The following DDAH1 variants were observed in gnomAD, a reference collection of about 807,000 sequenced individuals.
The protein encoded by DDAH1 is N(G),N(G)-dimethylarginine dimethylaminohydrolase 1.
In DDAH1, 19 loss-of-function variants were observed where a neutral mutation model predicts 28.8. That is an observed-to-expected ratio of 0.66 (90% CI 0.46 to 0.97). DDAH1 has a LOEUF of 0.97. Ranked by LOEUF, DDAH1 falls within the 50% of genes least tolerant of loss-of-function variation. The probability of loss-of-function intolerance (pLI) is 0.00; values close to 1 mark genes in which losing one functional copy is unlikely to be tolerated. For synonymous variants in DDAH1, 153 were observed against 154.4 expected (o/e 0.99, Z 0.07); for missense variants, 326 against 375.9 (o/e 0.87, Z 1.10).
At chr1:85,475,290 C>CA (rs1348107745) in intron 2 of DDAH1, among the ~76,000 whole-genome samples, 1 of 152,088 alleles carries the variant, frequency 6.6e-6, no homozygotes, top group Admixed American at 6.5e-5. Flanking sequence ...AGCAAGTGCT[C>CA]AACAAACGTT....
intron 2 of DDAH1, among the ~76,000 whole-genome samples, chr1:85,355,632 G>A (rs941399588): frequency 1.3e-5 from 2 of 152,122 alleles, no homozygotes; most frequent in African/African-American, 4.8e-5. Context: ...TCTATCACCT[G>A]AAATTCATTT....
At chr1:85,566,349 G>A (rs1659299716) in intron 1 of DDAH1, among the ~76,000 whole-genome samples, 1 of 151,778 alleles carries the variant, frequency 6.6e-6, no homozygotes, top group Admixed American at 6.6e-5. Context: ...AAAATTATCT[G>A]GGTGTGGTGG....
chr1:85,500,286 A>T (rs1656778389), intron 1 of DDAH1, among the ~76,000 whole-genome samples: 53 of 102,272 alleles, frequency 5.2e-4, no homozygotes, highest in East Asian at 1.7e-3. Flanking sequence ...TTCCCTTCCC[A>T]TTTTCTCTTC....
Position 85,554,493 on chromosome 1 carries a change from C to T in DDAH1, c.-123+23491G>A, listed in dbSNP as rs568834847. Among the ~76,000 whole-genome samples the T allele has an allele frequency of 1.1e-4, 17 of 152,150 alleles. 1 individual carries two copies. Among genetic ancestry groups the T allele is most frequent in the Non-Finnish European group, 1.6e-4 (11 of 67,996 alleles). ...AAATGACTGGAAATTGCATAATTTT[C>T]AGGATTATAACTGTGTATATTTCCC... On this transcript the variant is annotated intron_variant, in intron 1 of 6. Coordinates refer to the DDAH1 transcript ENST00000426972.
chr1:85,352,928 C>T (rs961259261), intron 2 of DDAH1, among the ~76,000 whole-genome samples: 2 of 150,086 alleles, frequency 1.3e-5, no homozygotes, highest in South Asian at 2.1e-4. Context: ...TTGATAAATT[C>T]GGATTCTTTT....
At chr1:85,344,796 G>A (rs867940622) in intron 4 of DDAH1, among the ~76,000 whole-genome samples, 31 of 152,156 alleles carry the variant, frequency 2.0e-4, no homozygotes, top group South Asian at 4.1e-4. Context: ...TTCAGGGATG[G>A]ATCTAGAAAA....
At chr1:85,395,535 G>C (rs780456879) in intron 1 of DDAH1, among the ~76,000 whole-genome samples, 30 of 152,052 alleles carry the variant, frequency 2.0e-4, no homozygotes, top group Non-Finnish European at 3.8e-4. Context: ...AGCTGGGCGT[G>C]GTGGTGCATG....
At chr1:85,551,175 C>T (rs533123498) in intron 1 of DDAH1, among the ~76,000 whole-genome samples, 53 of 152,312 alleles carry the variant, frequency 3.5e-4, no homozygotes, top group African/African-American at 1.3e-3. Flanking sequence ...ATGTTACTGA[C>T]AATCCAGGGG....
At chr1:85,526,897 G>C (rs1396603408) in intron 1 of DDAH1, among the ~76,000 whole-genome samples, 2 of 150,362 alleles carry the variant, frequency 1.3e-5, no homozygotes, top group East Asian at 3.9e-4. Flanking sequence ...AGGGAGAAAA[G>C]AGAGGCAGAA....
intron 1 of DDAH1, among the ~76,000 whole-genome samples, chr1:85,370,692 G>C (rs934112948): frequency 5.9e-5 from 9 of 152,192 alleles, no homozygotes; most frequent in Non-Finnish European, 7.4e-5. Context: ...GTGGACGGAA[G>C]TTGGTGGATT....
chr1:85,464,815 C>T lies in DDAH1; in HGVS notation c.231G>A (p.Val77=). ...ADESLPDCVF[V]EDVAVVCEET... Reference sequence around the variant, plus strand: ...CCTCGCACACCACGGCCACGTCCTCCACGAAGACGCAGTCCGGAAGGCTCT... The same window carrying T: ...CCTCGCACACCACGGCCACGTCCTCTACGAAGACGCAGTCCGGAAGGCTCT... The change falls in exon 1 of 6, where the codon GTG becomes GTA. Residue 77 remains valine, a synonymous_variant. Transcript: ENST00000284031. This position sits in a 1 kb window ranked among gnomAD's most constrained non-coding sequence, Gnocchi z 4.4. The T allele has an allele frequency of 6.3e-7, 1 of 1,588,400 alleles. No individual in the cohort carries two copies. Among genetic ancestry groups the T allele is most frequent in the Non-Finnish European group, 8.5e-7 (1 of 1,174,554 alleles).
chr1:85,374,720 A>G (rs961862004), intron 1 of DDAH1, among the ~76,000 whole-genome samples: 1 of 152,054 alleles, frequency 6.6e-6, no homozygotes, highest in African/African-American at 2.4e-5. Context: ...TTTTGCTCAT[A>G]CTGTTATAAA....
intron 4 of DDAH1, among the ~76,000 whole-genome samples, chr1:85,348,987 T>C (rs1455335771): frequency 6.6e-6 from 1 of 152,152 alleles, no homozygotes; most frequent in African/African-American, 2.4e-5. Context: ...CATCTTATAA[T>C]CGATCTCAGA....
intron 1 of DDAH1, among the ~76,000 whole-genome samples, chr1:85,531,214 G>T (rs1332825290): frequency 1.3e-5 from 2 of 152,054 alleles, no homozygotes; most frequent in African/African-American, 4.8e-5. Flanking sequence ...TGATCCAAGT[G>T]CCTCTACCCC....
At chr1:85,368,262 G>T (rs527270303) in intron 1 of DDAH1, among the ~76,000 whole-genome samples, 88 of 152,284 alleles carry the variant, frequency 5.8e-4, no homozygotes, top group Middle Eastern at 6.8e-3. Context: ...CTGAACCAGT[G>T]CTCAGATCCA....
intron 2 of DDAH1, among the ~76,000 whole-genome samples, chr1:85,475,958 T>C (rs1193985375): frequency 6.6e-6 from 1 of 152,200 alleles, no homozygotes; most frequent in African/African-American, 2.4e-5. Context: ...TTCAAGTGAT[T>C]CTCCCACCTT....
chr1:85,363,756 CTTT>C, intron 1 of DDAH1, among the ~76,000 whole-genome samples: 1 of 152,286 alleles, frequency 6.6e-6, no homozygotes, highest in Non-Finnish European at 1.5e-5. Flanking sequence ...CTTTAAACTT[CTTT>C]GTTAATCAGC....
Position 85,489,700 on chromosome 1 carries a change from T to G in DDAH1, c.-7+6466A>C, listed in dbSNP as rs150148075. 1.7e-4 allele frequency among the ~76,000 whole-genome samples: 26 copies of G among 151,936 alleles called. No homozygotes were observed. The East Asian group carries it at 4.9e-3, about 28-fold the overall frequency. The stretch of plus-strand genomic sequence containing the variant: ...GGACATTGAAGGAAAGAGGAATGGT[T>G]AAAGGGAGAGGAGGCAAATCAAGGT... On this transcript the variant is annotated intron_variant, in intron 2 of 6. Coordinates refer to the DDAH1 transcript ENST00000426972.
intron 1 of DDAH1, among the ~76,000 whole-genome samples, chr1:85,421,463 AT>A (rs890376062): frequency 1.3e-4 from 20 of 149,988 alleles, no homozygotes; most frequent in East Asian, 2.0e-4. Flanking sequence ...CTCCTGAATG[AT>A]TTTTTTTTTA....
Sources: allele counts gnomAD v4.1 joint callset (sites outside exome capture counted in the v4.1 genomes callset), GRCh38; gene constraint gnomAD v4.1.1; non-coding constraint Gnocchi (gnomAD v3.1); transcripts MANE v1.5; gene names NCBI Gene and HGNC (gene_info 2026-07-23, HGNC 2026-07-21).